The following BTNL9 variants were observed in gnomAD, a reference collection of about 807,000 sequenced individuals.
The protein encoded by BTNL9 is butyrophilin like 9.
BTNL9 carries 45 observed loss-of-function variants against 45.8 expected under a neutral mutation model. The observed-to-expected ratio is 0.98, with a 90% CI of 0.77 to 1.26. The LOEUF is 1.26. Ranked by LOEUF, BTNL9 falls within the 50% of genes most tolerant of loss-of-function variation. The probability of loss-of-function intolerance (pLI) is 0.00; values close to 1 mark genes in which losing one functional copy is unlikely to be tolerated. For missense variants in BTNL9, 784 were observed against 729.7 expected, an observed-to-expected ratio of 1.07 and a Z score of -0.86; for synonymous variants, 346 against 330.8, an observed-to-expected ratio of 1.05 and a Z score of -0.50.
chr5:181,053,628 G>A lies in BTNL9; in HGVS notation c.886+127G>A, dbSNP rs961239417. The stretch of plus-strand genomic sequence containing the variant: ...GGTGTCAGGGCGGCCACCGGGGAAC[G>A]GGGATCGGTGACCCCGGTGGGGAAG... On this transcript the variant is annotated intron_variant, in intron 6 of 10. Coordinates refer to ENST00000327705, the MANE Select transcript of BTNL9 (RefSeq NM_152547.5). The surrounding 1 kb of genome is among the most constrained non-coding windows in gnomAD (Gnocchi z 6.5). The A allele has an allele frequency of 1.9e-6, 3 of 1,544,960 alleles. No individual in the cohort carries two copies. The highest frequency in any genetic ancestry group is 1.7e-6 in the Non-Finnish European group (2 of 1,143,288).
Position 181,055,694 on chromosome 5 carries a change from G to A in BTNL9, c.928+241G>A, listed in dbSNP as rs1374143718. The A allele has an allele frequency of 2.5e-5, 17 of 686,242 alleles. No individual in the cohort carries two copies. Among genetic ancestry groups the A allele is most frequent in the Admixed American group, 1.0e-4 (5 of 47,710 alleles). The allele number at this position is 686,242 out of a possible 1,614,324, so 42.5% of individuals were successfully genotyped here. ...TGAGGCAGGAGAAGGGCGTGAACCC[G>A]GGAAGCGGAGCTTGCAGTGAGCCGA... On this transcript the variant is annotated intron_variant, in intron 8 of 10. Transcript: ENST00000327705. The surrounding 1 kb of genome is among the most constrained non-coding windows in gnomAD (Gnocchi z 4.4).
rs1471865441 is a variant in BTNL9, at chr5:181,059,438, G to A, written c.1184G>A (p.Arg395His). The change falls in exon 11 of 11, where the codon CGC (arginine) becomes CAC (histidine). Residue 395 changes from arginine to histidine, a missense_variant. Transcript: ENST00000327705. ...YWEVHVGRRS[R>H]WFLGACLAAV... Reference sequence around the variant, plus strand: ...GAGGTGCACGTGGGCCGCCGCAGCCGCTGGTTCCTGGGCGCCTGCCTGGCC... The same window carrying A: ...GAGGTGCACGTGGGCCGCCGCAGCCACTGGTTCCTGGGCGCCTGCCTGGCC... 10 of 1,473,028 alleles carry A rather than the reference G, an allele frequency of 6.8e-6. No individual in the cohort carries two copies. The Admixed American group carries it at 1.0e-4, about 15-fold the overall frequency. 91.2% of individuals were successfully genotyped at this position (1,473,028 alleles called of 1,614,324 possible). A position where few individuals can be genotyped will look rare whatever the true frequency, so the allele number is the denominator to read the frequency against.
chr5:181,050,195 GACC>G lies in BTNL9; in HGVS notation c.567_569del (p.His189del). On this transcript the variant is annotated inframe_deletion, in exon 4 of 11. Coordinates refer to ENST00000327705, the MANE Select transcript of BTNL9 (RefSeq NM_152547.5). This position sits in a 1 kb window ranked among gnomAD's most constrained non-coding sequence, Gnocchi z 4.9. ...CCCCAAGCCTAAGGTTCAGTGGAGA[GACC>G]ACCAGGGACAGTGCCTGCCTCCAGA... 1 of 1,614,100 alleles carries G rather than the reference GACC, an allele frequency of 6.2e-7. No individual in the cohort carries two copies. Among genetic ancestry groups the G allele is most frequent in the South Asian group, 1.1e-5 (1 of 91,086 alleles).
At chr5:181,054,520 T>G (rs762085586) in intron 7 of BTNL9, 2 of 985,448 alleles carry the variant, frequency 2.0e-6, no homozygotes, top group Non-Finnish European at 2.4e-6. Context: ...CATAAAACGT[T>G]TACTGTCTCC....
chr5:181,050,585 C>T lies in BTNL9; in HGVS notation c.736+216C>T, dbSNP rs1364710847. 3.9e-5 allele frequency among the ~76,000 whole-genome samples: 6 copies of T among 152,276 alleles called. No individual in the cohort carries two copies. Among genetic ancestry groups the T allele is most frequent in the East Asian group, 3.9e-4 (2 of 5,182 alleles). ...TCAGTGAGAGAGGCCCCAGAGAGCC[C>T]GCCTTTCTGTGCCTAAGGCCATACA... On this transcript the variant is annotated intron_variant, in intron 4 of 10. Transcript: ENST00000327705. The surrounding 1 kb of genome is among the most constrained non-coding windows in gnomAD (Gnocchi z 4.9).
chr5:181,050,444 A>G lies in BTNL9; in HGVS notation c.736+75A>G. 2 of 1,531,280 alleles carry G rather than the reference A, an allele frequency of 1.3e-6. No homozygotes were observed. The highest frequency in any genetic ancestry group is 1.8e-6 in the Non-Finnish European group (2 of 1,121,168). The allele number at this position is 1,531,280 out of a possible 1,614,324, so 94.9% of individuals were successfully genotyped here. On this transcript the variant is annotated intron_variant, in intron 4 of 10. Coordinates refer to ENST00000327705, the MANE Select transcript of BTNL9 (RefSeq NM_152547.5). The surrounding 1 kb of genome is among the most constrained non-coding windows in gnomAD (Gnocchi z 4.9). Reference sequence around the variant, plus strand: ...ACACATTGGCCCAAAGGCAGTCTATAAAGACACAATGGTACTGCGCCTGTC... The same window carrying G: ...ACACATTGGCCCAAAGGCAGTCTATGAAGACACAATGGTACTGCGCCTGTC...
chr5:181,041,113 G>T (rs1760755455), intron 1 of BTNL9, among the ~76,000 whole-genome samples: 1 of 152,214 alleles, frequency 6.6e-6, no homozygotes, highest in African/African-American at 2.4e-5. Flanking sequence ...TTCCTGCCAG[G>T]TTTCATAACG....
rs547503839 is a variant in BTNL9, at chr5:181,046,377, G to A, written c.109+779G>A. Among the ~76,000 whole-genome samples the A allele has an allele frequency of 9.9e-5, 15 of 152,142 alleles. No individual in the cohort carries two copies. In the East Asian group the frequency reaches 1.5e-3, roughly 16 times the overall value. On this transcript the variant is annotated intron_variant, in intron 2 of 10. Coordinates refer to ENST00000327705, the MANE Select transcript of BTNL9 (RefSeq NM_152547.5). ...ACTTCCCAGCACTCCGAAATCCACA[G>A]GCATAGCAGGGAGCAGAGCAAGACG...
chr5:181,054,322 G>C (rs546440354), intron 7 of BTNL9, 63 bp downstream of exon 7: 236 of 1,598,658 alleles, frequency 1.5e-4, no homozygotes, highest in Middle Eastern at 9.2e-4. Context: ...TGTGCAGTGG[G>C]AGGAGGGGCT....
chr5:181,053,585 G>A lies in BTNL9; in HGVS notation c.886+84G>A. 1.9e-6 allele frequency: 3 copies of A among 1,550,744 alleles called. No individual in the cohort carries two copies. Among genetic ancestry groups the A allele is most frequent in the East Asian group, 2.4e-5 (1 of 40,988 alleles). ...CTAAAGGCTGTGGGTCCCGTTACGA[G>A]GGTTTATTCCAGCGCGAGGTGTCAG... On this transcript the variant is annotated intron_variant, in intron 6 of 10. Coordinates refer to ENST00000327705, the MANE Select transcript of BTNL9 (RefSeq NM_152547.5). This position sits in a 1 kb window ranked among gnomAD's most constrained non-coding sequence, Gnocchi z 6.5.
intron 4 of BTNL9, among the ~76,000 whole-genome samples, chr5:181,051,405 A>G (rs1366676867): frequency 6.6e-6 from 1 of 152,230 alleles, no homozygotes; most frequent in African/African-American, 2.4e-5. Context: ...GTCAGATACA[A>G]GCCAATGCAC....
rs1760803316 is a variant in BTNL9 at position 181,042,121 on chromosome 5, A to G, written c.-24+1689A>G. On this transcript the variant is annotated intron_variant, in intron 1 of 10. Coordinates refer to ENST00000327705, the MANE Select transcript of BTNL9 (RefSeq NM_152547.5). This position sits in a 1 kb window ranked among gnomAD's most constrained non-coding sequence, Gnocchi z 4.5. ...GAGAGAGCAAGAAGAAAAGAAAAATAAAAAGAGAAGGAGAAGAAAGAAATG... is the reference window on the plus strand; with the variant it reads ...GAGAGAGCAAGAAGAAAAGAAAAATGAAAAGAGAAGGAGAAGAAAGAAATG... Among the ~76,000 whole-genome samples, 2 of 152,196 alleles carry G rather than the reference A, an allele frequency of 1.3e-5. No homozygotes were observed. The highest frequency in any genetic ancestry group is 1.3e-4 in the Admixed American group (2 of 15,282).
Position 181,054,819 on chromosome 5 carries a change from G to A in BTNL9, c.907+560G>A, listed in dbSNP as rs891762606. The A allele has an allele frequency of 5.3e-5, 52 of 985,390 alleles. No homozygotes were observed. The Middle Eastern group carries it at 1.6e-3, about 30-fold the overall frequency. 61.0% of individuals were successfully genotyped at this position (985,390 alleles called of 1,614,324 possible). On this transcript the variant is annotated intron_variant, in intron 7 of 10. Transcript: ENST00000327705. Reference sequence around the variant, plus strand: ...CTGGCAGTCTACCTCGCCCTTCAAGGGGAATGAGAAAAACATAGCCCTAAT... The same window carrying A: ...CTGGCAGTCTACCTCGCCCTTCAAGAGGAATGAGAAAAACATAGCCCTAAT...
intron 1 of BTNL9, among the ~76,000 whole-genome samples, chr5:181,045,099 CTTTG>C (rs1163818017): frequency 6.6e-6 from 1 of 152,184 alleles, no homozygotes; most frequent in East Asian, 1.9e-4. Context: ...AGAGATTGCC[CTTTG>C]TTTGAGGAAA....
chr5:181,055,229 A>T lies in BTNL9; in HGVS notation c.908-204A>T. ...GTGTGCAGATTTCCACCTTTGAGCT[A>T]AGATAGGATGAGGCATAAGAGTCCT... is the stretch of plus-strand genomic sequence containing the variant. On this transcript the variant is annotated intron_variant, in intron 7 of 10. Transcript: ENST00000327705. This position sits in a 1 kb window ranked among gnomAD's most constrained non-coding sequence, Gnocchi z 4.4. 7.0e-7 allele frequency: 1 copy of T among 1,433,660 alleles called. No individual in the cohort carries two copies. The highest frequency in any genetic ancestry group is 9.1e-7 in the Non-Finnish European group (1 of 1,097,702). 88.8% of individuals were successfully genotyped at this position (1,433,660 alleles called of 1,614,324 possible). A position where few individuals can be genotyped will look rare whatever the true frequency, so the allele number is the denominator to read the frequency against.
chr5:181,047,446 A>G, intron 2 of BTNL9: 2 of 977,366 alleles, frequency 2.0e-6, no homozygotes, highest in Non-Finnish European at 2.4e-6. Context: ...TCAGACAAGC[A>G]AAAATGAGAA....
At position 181,053,591 on chromosome 5, in the gene BTNL9, A is replaced by C; in HGVS notation, c.886+90A>C. 6.5e-7 allele frequency: 1 copy of C among 1,550,120 alleles called. No individual in the cohort carries two copies. The highest frequency in any genetic ancestry group is 1.4e-5 in the African/African-American group (1 of 73,196). Reference sequence around the variant, plus strand: ...GCTGTGGGTCCCGTTACGAGGGTTTATTCCAGCGCGAGGTGTCAGGGCGGC... The same window carrying C: ...GCTGTGGGTCCCGTTACGAGGGTTTCTTCCAGCGCGAGGTGTCAGGGCGGC... On this transcript the variant is annotated intron_variant, in intron 6 of 10. Coordinates refer to ENST00000327705, the MANE Select transcript of BTNL9 (RefSeq NM_152547.5). The surrounding 1 kb of genome is among the most constrained non-coding windows in gnomAD (Gnocchi z 6.5).
intron 1 of BTNL9, among the ~76,000 whole-genome samples, chr5:181,044,978 G>A (rs929005176): frequency 2.0e-5 from 3 of 152,252 alleles, no homozygotes; most frequent in African/African-American, 7.2e-5. Context: ...GCAGAACTCT[G>A]TGTTTGTTCC....
chr5:181,059,718 C>G lies in BTNL9; in HGVS notation c.1464C>G (p.Pro488=), dbSNP rs142809941. Residue 488 remains proline, a synonymous_variant, in exon 11 of 11, where the codon CCC becomes CCG. Coordinates refer to ENST00000327705, the MANE Select transcript of BTNL9 (RefSeq NM_152547.5). The part of the protein sequence containing the change: ...FSGALCAYFR[P]RAHDGGEHPD... ...GCGCGCTCTGTGCGTACTTCAGGCC[C>G]AGGGCCCACGACGGCGGCGAACATC... 1.4e-5 allele frequency: 22 copies of G among 1,613,548 alleles called. No individual in the cohort carries two copies. The East Asian group carries it at 3.6e-4, about 26-fold the overall frequency.
Sources: allele counts gnomAD v4.1 joint callset (sites outside exome capture counted in the v4.1 genomes callset), GRCh38; gene constraint gnomAD v4.1.1; non-coding constraint Gnocchi (gnomAD v3.1); transcripts MANE v1.5; gene names NCBI Gene and HGNC (gene_info 2026-07-23, HGNC 2026-07-21).